Variants in TUBA3E observed in about 807,000 individuals in gnomAD.
TUBA3E encodes the protein tubulin alpha-3E chain.
A neutral mutation model predicts 36.7 loss-of-function variants in TUBA3E; 21 were observed. The ratio of observed to expected loss-of-function variants is 0.57; its 90% confidence interval spans 0.41 to 0.83. The LOEUF (loss-of-function observed/expected upper bound fraction) is 0.83. TUBA3E is among the 40% of genes least tolerant of loss of function. TUBA3E has a pLI of 0.00. For missense variants in TUBA3E, 469 were observed against 604.2 expected, an observed-to-expected ratio of 0.78 and a Z score of 2.35; for synonymous variants, 177 against 241.9, an observed-to-expected ratio of 0.73 and a Z score of 2.49.
chr2:130,196,498 T>A, intron 1 of TUBA3E, 127 bp from the exon 2 acceptor site: 1 of 1,337,864 alleles, frequency 7.5e-7, no homozygotes, highest in Non-Finnish European at 1.0e-6. Flanking sequence ...AATCGATATT[T>A]CCTAGGAGGG....
At chr2:130,192,375 C>T (rs1690285404) in intron 4 of TUBA3E, among the ~76,000 whole-genome samples, 2 of 152,112 alleles carry the variant, frequency 1.3e-5, no homozygotes, top group African/African-American at 4.8e-5. Flanking sequence ...GTCCTAGTAC[C>T]TGTGACATGT....
rs777368405 is a variant in TUBA3E, at chr2:130,194,240, G to T, written c.602C>A (p.Ala201Asp). Residue 201 changes from alanine to aspartate, a missense_variant, in exon 4 of 5, where the codon GCC (alanine) becomes GAC (aspartate). Physicochemically the swap from Ala to Asp is moderately radical, Grantham distance 126. Around this residue, in one of 3 missense-constraint regions of TUBA3E, gnomAD observed 296 missense variants for 346.9 expected, o/e 0.85. Coordinates refer to ENST00000312988, the MANE Select transcript of TUBA3E (RefSeq NM_207312.3). The stretch of plus-strand genomic sequence containing the variant: ...GATGGCTTCATTGTCGACCATGAAG[G>T]CACAGTCAGAATGTTCCAGGGTCGT... Reference protein sequence around the residue: ...THTTLEHSDCAFMVDNEAIYD... With the variant: ...THTTLEHSDCDFMVDNEAIYD... The T allele has an allele frequency of 1.4e-5, 23 of 1,612,034 alleles. No homozygotes were observed. Among genetic ancestry groups the T allele is most frequent in the Admixed American group, 1.7e-5 (1 of 59,830 alleles).
At chr2:130,194,643 T>C (rs1281352732) in intron 3 of TUBA3E, among the ~76,000 whole-genome samples, 177 bp from the exon 4 acceptor site, 1 of 152,104 alleles carries the variant, frequency 6.6e-6, no homozygotes, top group African/African-American at 2.4e-5. Flanking sequence ...CAAATCACCA[T>C]TGCAGACTCA....
At chr2:130,198,038 G>A (rs1690454647) in intron 1 of TUBA3E, among the ~76,000 whole-genome samples, 1 of 123,738 alleles carries the variant, frequency 8.1e-6, no homozygotes, top group Admixed American at 9.0e-5. Context: ...GTTTCCAGTA[G>A]CACAAAGACG....
intron 4 of TUBA3E, among the ~76,000 whole-genome samples, chr2:130,192,642 G>A (rs542015785): frequency 2.2e-4 from 34 of 152,304 alleles, no homozygotes; most frequent in African/African-American, 7.5e-4. Context: ...GGAAGTGGTC[G>A]AAGTGGTCCA....
rs145630303 is a variant in TUBA3E, at chr2:130,192,130, G to A, written c.1057-3C>T. 6.6e-4 allele frequency: 1,050 copies of A among 1,590,428 alleles called. 6 individuals are homozygous for A. In the African/African-American group the frequency reaches 0.012, roughly 19 times the overall value. ...GGGGGCTGGTAGTTAATGCCCACCT[G>A]CCAGAGAAGGGAAAGAAAGCAGTCC... On this transcript the variant is annotated splice_polypyrimidine_tract_variant and splice_region_variant and intron_variant, in intron 4 of 4. Transcript: ENST00000312988.
intron 4 of TUBA3E, among the ~76,000 whole-genome samples, chr2:130,193,288 T>C (rs1690313839): frequency 6.6e-6 from 1 of 151,756 alleles, no homozygotes; most frequent in Non-Finnish European, 1.5e-5. Context: ...CACAGATATA[T>C]AGTGTGATGA....
intron 1 of TUBA3E, 42 bp downstream of exon 1, chr2:130,198,316 T>C: frequency 3.7e-6 from 5 of 1,352,388 alleles, no homozygotes; most frequent in Non-Finnish European, 5.0e-6. Flanking sequence ...GCCAACTTCG[T>C]CTGCCTGGGC....
At chr2:130,192,360 G>A (rs1690285092) in intron 4 of TUBA3E, among the ~76,000 whole-genome samples, 1 of 152,186 alleles carries the variant, frequency 6.6e-6, no homozygotes, top group Admixed American at 6.5e-5. Context: ...TACCTAAAGG[G>A]CTGTGTCCTA....
At chr2:130,192,398 G>A (rs1244908114) in intron 4 of TUBA3E, among the ~76,000 whole-genome samples, 4 of 152,152 alleles carry the variant, frequency 2.6e-5, no homozygotes, top group African/African-American at 9.7e-5. Context: ...TAGGTGCCCA[G>A]GTGAAGACAG....
At chr2:130,192,865 G>A (rs1359578837) in intron 4 of TUBA3E, among the ~76,000 whole-genome samples, 3 of 152,142 alleles carry the variant, frequency 2.0e-5, no homozygotes, top group African/African-American at 4.8e-5. Flanking sequence ...GGAGACAGGC[G>A]GGCAGATCAC....
At position 130,191,892 on chromosome 2, in the gene TUBA3E, T is replaced by G; in HGVS notation, c.1292A>C (p.Asp431Ala). 1 of 1,613,776 alleles carries G rather than the reference T, an allele frequency of 6.2e-7. No individual in the cohort carries two copies. The highest frequency in any genetic ancestry group is 8.5e-7 in the Non-Finnish European group (1 of 1,179,762). Reference protein sequence around the residue: ...AREDLAALEKDCEEVGVDSVE... With the variant: ...AREDLAALEKACEEVGVDSVE... The stretch of plus-strand genomic sequence containing the variant: ...GGAATCCACGCCCACCTCTTCACAA[T>G]CCTTCTCTAGAGCTGCCAGGTCCTC... The change falls in exon 5 of 5, where the codon GAT (aspartate) becomes GCT (alanine). Residue 431 changes from aspartate to alanine, a missense_variant. This residue lies in a region of TUBA3E where 296 missense variants were observed against 346.9 expected (regional missense o/e 0.85). Coordinates refer to ENST00000312988, the MANE Select transcript of TUBA3E (RefSeq NM_207312.3).
Position 130,196,329 on chromosome 2 carries a change from T to C in TUBA3E, c.46A>G (p.Ile16Val), listed in dbSNP as rs146864270. The change falls in exon 2 of 5, where the codon ATC becomes GTC. Residue 16 changes from isoleucine to valine, a missense_variant. Transcript: ENST00000312988. ...TACAGTTCCCAGCAGGCATTGCCGA[T>C]CTGGACACCCGCCTGCCCCACGTGG... ...SIHVGQAGVQ[I>V]GNACWELYCL... 40 of 1,614,018 alleles carry C rather than the reference T, an allele frequency of 2.5e-5. No homozygotes were observed. The highest frequency in any genetic ancestry group is 3.3e-5 in the Admixed American group (2 of 60,010).
At chr2:130,192,639 G>A (rs1181786653) in intron 4 of TUBA3E, among the ~76,000 whole-genome samples, 1 of 152,204 alleles carries the variant, frequency 6.6e-6, no homozygotes, top group East Asian at 1.9e-4. Flanking sequence ...GCAGGAAGTG[G>A]TCGAAGTGGT....
At chr2:130,197,504 A>AAAG (rs1690439739) in intron 1 of TUBA3E, among the ~76,000 whole-genome samples, 3 of 110,008 alleles carry the variant, frequency 2.7e-5, no homozygotes, top group African/African-American at 4.3e-5. Flanking sequence ...AAAAAAAAAA[A>AAAG]AAAAGAAAAG....
At position 130,196,331 on chromosome 2, in the gene TUBA3E, T is replaced by A; in HGVS notation, c.44A>T (p.Gln15Leu). 6.2e-7 allele frequency: 1 copy of A among 1,614,076 alleles called. No homozygotes were observed. The highest frequency in any genetic ancestry group is 8.5e-7 in the Non-Finnish European group (1 of 1,179,924). Residue 15 changes from glutamine (Q) to leucine (L), a missense_variant, in exon 2 of 5, where the codon CAG becomes CTG. Coordinates refer to ENST00000312988, the MANE Select transcript of TUBA3E (RefSeq NM_207312.3). Reference sequence around the variant, plus strand: ...CAGTTCCCAGCAGGCATTGCCGATCTGGACACCCGCCTGCCCCACGTGGAT... The same window carrying A: ...CAGTTCCCAGCAGGCATTGCCGATCAGGACACCCGCCTGCCCCACGTGGAT... ...ISIHVGQAGV[Q>L]IGNACWELYC...
At chr2:130,192,256 A>G in intron 4 of TUBA3E, 129 bp from the exon 5 acceptor site, 3 of 1,313,940 alleles carry the variant, frequency 2.3e-6, no homozygotes, top group Admixed American at 5.7e-5. Context: ...CACAAACGTC[A>G]CTAAGCCCTT....
At chr2:130,193,330 T>C (rs1013716947) in intron 4 of TUBA3E, among the ~76,000 whole-genome samples, 2 of 151,792 alleles carry the variant, frequency 1.3e-5, no homozygotes, top group Admixed American at 1.3e-4. Context: ...ATCACTGACC[T>C]GGGCGCAGTG....
rs568685937 is a variant in TUBA3E, at chr2:130,197,345, G to A, written c.4-974C>T. On this transcript the variant is annotated intron_variant, in intron 1 of 4. Transcript: ENST00000312988. Reference sequence around the variant, plus strand: ...CTATGAAAAATTTACAAATTAGCCAGGTGTGGTGGCACACACCTGTAGTAC... The same window carrying A: ...CTATGAAAAATTTACAAATTAGCCAAGTGTGGTGGCACACACCTGTAGTAC... Among the ~76,000 whole-genome samples the A allele has an allele frequency of 2.1e-5, 3 of 140,936 alleles. No individual in the cohort carries two copies. In the Admixed American group the frequency reaches 2.3e-4, roughly 11 times the overall value. 92.5% of individuals were successfully genotyped at this position (140,936 alleles called of 152,430 possible). A position where few individuals can be genotyped will look rare whatever the true frequency, so the allele number is the denominator to read the frequency against.
Sources: allele counts gnomAD v4.1 joint callset (sites outside exome capture counted in the v4.1 genomes callset), GRCh38; gene constraint gnomAD v4.1.1; regional missense constraint gnomAD v4.1.1; transcripts MANE v1.5; gene names NCBI Gene and HGNC (gene_info 2026-07-23, HGNC 2026-07-21).